The following ZNF334 variants were observed in gnomAD, a reference collection of about 807,000 sequenced individuals.
ZNF334 encodes zinc finger protein 334.
Under a neutral mutation model 12.4 loss-of-function variants are expected in ZNF334, and 14 were observed. The ratio of observed to expected loss-of-function variants is 1.13; its 90% CI spans 0.74 to 1.76. The LOEUF is 1.76. Among genes scored for constraint, ZNF334 ranks in the 40% most tolerant of loss-of-function variants. ZNF334 has a pLI of 0.00. For missense variants in ZNF334, 797 were observed against 804.5 expected (o/e 0.99, Z 0.11); for synonymous variants, 273 against 269.6 (o/e 1.01, Z -0.12).
chr20:46,484,319 C>T, the ZNF334 span: 2 of 162,188 alleles, frequency 1.2e-5, no homozygotes, highest in South Asian at 4.1e-4. Flanking sequence ...TTATTGTCTG[C>T]ACTTTCTATT....
At chr20:46,474,135 G>A in the ZNF334 span, among the ~76,000 whole-genome samples, 1 of 152,212 alleles carries the variant, frequency 6.6e-6, no homozygotes, top group Non-Finnish European at 1.5e-5. Context: ...AGCACTTTGG[G>A]AGGCTGAGGT....
At chr20:46,485,686 A>C in the ZNF334 span, 1 of 152,180 alleles carries the variant, frequency 6.6e-6, no homozygotes, top group Non-Finnish European at 1.5e-5. Context: ...TCAGGGGATA[A>C]AAAGCTGGGT....
chr20:46,483,650 T>C, the ZNF334 span, among the ~76,000 whole-genome samples: 1 of 152,232 alleles, frequency 6.6e-6, no homozygotes, highest in African/African-American at 2.4e-5. Flanking sequence ...GTCATCTTTT[T>C]TAGGCAGTAA....
chr20:46,488,650 T>G, the ZNF334 span, among the ~76,000 whole-genome samples: 1 of 151,858 alleles, frequency 6.6e-6, no homozygotes, highest in East Asian at 1.9e-4. Flanking sequence ...CCATCTGGCA[T>G]CCCTTTTCTT....
At chr20:46,483,051 T>C in the ZNF334 span, among the ~76,000 whole-genome samples, 1 of 152,228 alleles carries the variant, frequency 6.6e-6, no homozygotes, top group African/African-American at 2.4e-5. Context: ...TCAAAAGTAC[T>C]ATGCTGACTT....
the ZNF334 span, among the ~76,000 whole-genome samples, chr20:46,466,546 C>G: frequency 1.3e-5 from 2 of 152,188 alleles, no homozygotes; most frequent in Admixed American, 1.3e-4. Context: ...TGCAGTTGCT[C>G]CATCTAAGCT....
chr20:46,506,342 ATGGCCAGGTGTGG>A (rs1278491566), intron 2 of ZNF334: 1 of 644,134 alleles, frequency 1.6e-6, no homozygotes, highest in Non-Finnish European at 2.8e-6. Flanking sequence ...GAAAACACAC[ATGGCCAGGTGTGG>A]TGGCGCACAC....
At chr20:46,470,674 T>C in the ZNF334 span, among the ~76,000 whole-genome samples, 1 of 152,226 alleles carries the variant, frequency 6.6e-6, no homozygotes, top group South Asian at 2.1e-4. Context: ...ATTTTACGCA[T>C]CTGTAAACAC....
chr20:46,506,285 A>C lies in ZNF334; in HGVS notation c.22-1545T>G, dbSNP rs1056475508. 6.5e-5 allele frequency: 37 copies of C among 570,594 alleles called. No individual in the cohort carries two copies. The African/African-American group carries it at 6.6e-4, about 10-fold the overall frequency. The allele number at this position is 570,594 out of a possible 1,614,324, so 35.3% of individuals were successfully genotyped here. On this transcript the variant is annotated intron_variant, in intron 2 of 4. Coordinates refer to ENST00000692313, the MANE Select transcript of ZNF334 (RefSeq NM_001353824.2). ...ATGAAGTGAAAAAAGCAAAGTATTA[A>C]AGAATATCTATAATATATTACCTTT...
At chr20:46,486,652 AC>A in the ZNF334 span, among the ~76,000 whole-genome samples, 1 of 152,160 alleles carries the variant, frequency 6.6e-6, no homozygotes, top group Non-Finnish European at 1.5e-5. Context: ...ATTCCTTCTG[AC>A]CCAAATCTCA....
chr20:46,508,932 GCA>G (rs910933989), intron 2 of ZNF334, among the ~76,000 whole-genome samples: 3 of 152,046 alleles, frequency 2.0e-5, no homozygotes, highest in African/African-American at 7.2e-5. Flanking sequence ...GATACATCAA[GCA>G]CAATTTGTAT....
At chr20:46,511,100 C>T (rs1312435126) in intron 2 of ZNF334, among the ~76,000 whole-genome samples, 1 of 151,914 alleles carries the variant, frequency 6.6e-6, no homozygotes, top group Non-Finnish European at 1.5e-5. Context: ...ATAAAGAAGA[C>T]ATGATTACAA....
chr20:46,472,894 A>G, the ZNF334 span, among the ~76,000 whole-genome samples: 6,072 of 152,284 alleles, frequency 0.04, 258 homozygotes, highest in African/African-American at 0.11. Flanking sequence ...AAGAGGTCAA[A>G]TTCTTAATAT....
intron 4 of ZNF334, among the ~76,000 whole-genome samples, chr20:46,503,555 T>G (rs2061326085): frequency 6.6e-6 from 1 of 152,208 alleles, no homozygotes; most frequent in Non-Finnish European, 1.5e-5. Context: ...GGTCAGTTAT[T>G]ATCAAAACAC....
chr20:46,467,247 A>G, the ZNF334 span, among the ~76,000 whole-genome samples: 1 of 152,226 alleles, frequency 6.6e-6, no homozygotes, highest in Non-Finnish European at 1.5e-5. Context: ...GGAGTTTACA[A>G]TATTTTTAAA....
At chr20:46,482,046 G>C in the ZNF334 span, among the ~76,000 whole-genome samples, 6 of 152,128 alleles carry the variant, frequency 3.9e-5, no homozygotes, top group African/African-American at 1.2e-4. Context: ...TATGTTGTTG[G>C]CTTTGAAGAC....
At chr20:46,504,827 G>A in intron 2 of ZNF334, 87 bp from the exon 3 acceptor site, 1 of 1,235,840 alleles carries the variant, frequency 8.1e-7, no homozygotes. Context: ...CCACTGCCAT[G>A]GCTAATGGAA....
intron 4 of ZNF334, among the ~76,000 whole-genome samples, chr20:46,503,377 A>C (rs956340852): frequency 2.0e-5 from 3 of 152,250 alleles, no homozygotes; most frequent in African/African-American, 7.2e-5. Flanking sequence ...CACTTTACAA[A>C]TACTACTAAA....
downstream of ZNF334, among the ~76,000 whole-genome samples, chr20:46,498,084 G>A (rs922448534): frequency 1.3e-5 from 2 of 152,094 alleles, no homozygotes; most frequent in African/African-American, 4.8e-5. Context: ...CCTTTAGTAC[G>A]ACTTCTTGAA....
Sources: allele counts gnomAD v4.1 joint callset (sites outside exome capture counted in the v4.1 genomes callset), GRCh38; gene constraint gnomAD v4.1.1; transcripts MANE v1.5; gene names NCBI Gene and HGNC (gene_info 2026-07-23, HGNC 2026-07-21).